Variants in C1orf35 observed in about 807,000 individuals in gnomAD.
The protein encoded by C1orf35 is chromosome 1 open reading frame 35, also known as multiple myeloma tumor-associated protein 2.
In C1orf35, 36 loss-of-function variants were observed where a neutral mutation model predicts 30.9. That is an observed-to-expected ratio of 1.16 (90% CI 0.89 to 1.54). The LOEUF is 1.54. Among genes scored for constraint, C1orf35 ranks in the 40% most tolerant of loss-of-function variants. The pLI, the probability that C1orf35 is intolerant of heterozygous loss-of-function variation, is 0.00. For synonymous variants in C1orf35, 179 were observed against 148.2 expected, an observed-to-expected ratio of 1.21 and a Z score of -1.51; for missense variants, 396 against 358.7, an observed-to-expected ratio of 1.10 and a Z score of -0.84.
At position 228,102,476 on chromosome 1, in the gene C1orf35, A is replaced by G; in HGVS notation, c.374+2T>C. 6.4e-7 allele frequency: 1 copy of G among 1,557,892 alleles called. No individual in the cohort carries two copies. Among genetic ancestry groups the G allele is most frequent in the Non-Finnish European group, 8.7e-7 (1 of 1,155,854 alleles). Reference sequence around the variant, plus strand: ...TGCCCTCCCCTGGAAACCCGCCCGCACCTTGCGCTCCCCAGCCCCAGCAGC... The same window carrying G: ...TGCCCTCCCCTGGAAACCCGCCCGCGCCTTGCGCTCCCCAGCCCCAGCAGC... On this transcript the variant is annotated splice_donor_variant, in intron 4 of 7. Coordinates refer to ENST00000272139, the MANE Select transcript of C1orf35 (RefSeq NM_024319.4). LOFTEE classifies it high-confidence loss of function.
At position 228,101,210 on chromosome 1, in the gene C1orf35, C is replaced by A. The variant is rs2032935670; in HGVS notation, c.713G>T (p.Cys238Phe). Residue 238 changes from cysteine to phenylalanine, a missense_variant, in exon 8 of 8, where the codon TGT (cysteine) becomes TTT (phenylalanine). By Grantham distance (205) the Cys-to-Phe change is radical. Coordinates refer to ENST00000272139, the MANE Select transcript of C1orf35 (RefSeq NM_024319.4). ...ACTGTGTCCCCGCTTCCTCCTCTTACAGCAGGGGGAGTTGGAGTCGGAGTC... is the reference window on the plus strand; with the variant it reads ...ACTGTGTCCCCGCTTCCTCCTCTTAAAGCAGGGGGAGTTGGAGTCGGAGTC... The part of the protein sequence containing the change: ...HHDSDSNSPC[C>F]KRRKRGHSGD... 4.3e-6 allele frequency: 7 copies of A among 1,614,182 alleles called. No individual in the cohort carries two copies. Among genetic ancestry groups the A allele is most frequent in the Non-Finnish European group, 5.9e-6 (7 of 1,180,034 alleles).
At position 228,101,434 on chromosome 1, in the gene C1orf35, T is replaced by C. The variant is rs2032943630; in HGVS notation, c.573A>G (p.Lys191=). ...SHRKSKKEKK[K]KKKRKHKKEK... is the part of the protein sequence containing the mutation. ...CTTTCTTGTGTTTCCTCTTTTTCTT[T>C]TTCTTCTTCTCCTTCTTGCTTTTCC... The change falls in exon 7 of 8, where the codon AAA becomes AAG. Residue 191 remains lysine (K), a synonymous_variant. Coordinates refer to ENST00000272139, the MANE Select transcript of C1orf35 (RefSeq NM_024319.4). 6.2e-7 allele frequency: 1 copy of C among 1,613,566 alleles called. No homozygotes were observed. The highest frequency in any genetic ancestry group is 2.2e-5 in the East Asian group (1 of 44,878).
rs935385689 is a variant in C1orf35, at chr1:228,101,644, C to T, written c.534-171G>A. 3.4e-6 allele frequency: 5 copies of T among 1,465,386 alleles called. No individual in the cohort carries two copies. In the South Asian group the frequency reaches 4.3e-5, roughly 12 times the overall value. The allele number at this position is 1,465,386 out of a possible 1,614,324, so 90.8% of individuals were successfully genotyped here. A position where few individuals can be genotyped will look rare whatever the true frequency, so the allele number is the denominator to read the frequency against. Reference sequence around the variant, plus strand: ...TACGTAGTCACGTGGCCAGTGGCTACGTGGGTTAGAAACAGATGCAATATC... The same window carrying T: ...TACGTAGTCACGTGGCCAGTGGCTATGTGGGTTAGAAACAGATGCAATATC... On this transcript the variant is annotated intron_variant, in intron 6 of 7. Coordinates refer to ENST00000272139, the MANE Select transcript of C1orf35 (RefSeq NM_024319.4).
At position 228,102,167 on chromosome 1, in the gene C1orf35, T is replaced by A; in HGVS notation, c.448-2A>T. On this transcript the variant is annotated splice_acceptor_variant, in intron 5 of 7. Transcript: ENST00000272139. LOFTEE classifies it high-confidence loss of function. Reference sequence around the variant, plus strand: ...CCCGCCGCTCTCTACGCGGTGATGCTGCGGGAGAAGCGAGCTCTGCGGAGG... The same window carrying A: ...CCCGCCGCTCTCTACGCGGTGATGCAGCGGGAGAAGCGAGCTCTGCGGAGG... The A allele has an allele frequency of 6.3e-7, 1 of 1,580,942 alleles. No individual in the cohort carries two copies. Among genetic ancestry groups the A allele is most frequent in the Non-Finnish European group, 8.5e-7 (1 of 1,170,548 alleles).
At chr1:228,102,590 G>A (rs2033001856) in intron 3 of C1orf35, 30 bp from the exon 4 acceptor site, 5 of 1,578,216 alleles carry the variant, frequency 3.2e-6, no homozygotes, top group Admixed American at 1.8e-5. Flanking sequence ...GGGAGCGCTC[G>A]AGTCGGCCCC....
Position 228,100,991 on chromosome 1 carries a change from C to A in C1orf35, c.*140G>T. On this transcript the variant is annotated 3_prime_UTR_variant, in exon 8 of 8. Transcript: ENST00000272139. ...CAGAGCTAGCTGTCAAGTCTTTAGC[C>A]CCACAGGCTGGTGCCCAGAGCCACT... is the stretch of plus-strand genomic sequence containing the variant. 7.8e-7 allele frequency: 1 copy of A among 1,276,266 alleles called. No individual in the cohort carries two copies. Among genetic ancestry groups the A allele is most frequent in the Non-Finnish European group, 1.1e-6 (1 of 925,374 alleles). 79.1% of individuals were successfully genotyped at this position (1,276,266 alleles called of 1,614,324 possible). A position where few individuals can be genotyped will look rare whatever the true frequency, so the allele number is the denominator to read the frequency against.
At chr1:228,101,567 A>AC in intron 6 of C1orf35, 94 bp from the exon 7 acceptor site, 1 of 1,557,404 alleles carries the variant, frequency 6.4e-7, no homozygotes, top group Non-Finnish European at 8.6e-7. Flanking sequence ...GCCACCACCC[A>AC]CAAGTGCGTC....
At chr1:228,102,843 C>A (rs1268253860) in intron 2 of C1orf35, 56 bp downstream of exon 2, 1 of 1,388,018 alleles carries the variant, frequency 7.2e-7, no homozygotes, top group South Asian at 1.6e-5. Context: ...CCCGGCCCCA[C>A]CCTGCCCCGG....
intron 5 of C1orf35, 44 bp from the exon 6 acceptor site, chr1:228,102,209 C>T: frequency 6.4e-7 from 1 of 1,565,482 alleles, no homozygotes; most frequent in South Asian, 1.1e-5. Flanking sequence ...CGGGCCGGCC[C>T]CACACCACGC....
In C1orf35 at chr1:228,103,129, C is replaced by T. The variant is rs1262584008; in HGVS notation, c.94+5G>A. 27 of 1,610,136 alleles carry T rather than the reference C, an allele frequency of 1.7e-5. No homozygotes were observed. The highest frequency in any genetic ancestry group is 2.3e-5 in the Non-Finnish European group (27 of 1,178,986). On this transcript the variant is annotated splice_donor_5th_base_variant and intron_variant, in intron 1 of 7. Transcript: ENST00000272139. ...GCCCGGAGCCCGCCCACCGCGCGCA[C>T]CCACCCAGGTAGTTCTCCCGCTGCT...
In C1orf35 at chr1:228,102,193, A is replaced by G. The variant is rs1245518211; in HGVS notation, c.448-28T>C. 5.1e-6 allele frequency: 8 copies of G among 1,568,380 alleles called. No individual in the cohort carries two copies. In the East Asian group the frequency reaches 6.9e-5, roughly 14 times the overall value. On this transcript the variant is annotated intron_variant, in intron 5 of 7. Transcript: ENST00000272139. ...GCGGGAGAAGCGAGCTCTGCGGAGG[A>G]GTCTGCGGGCCGGCCCCACACCACG...
intron 6 of C1orf35, 84 bp from the exon 7 acceptor site, chr1:228,101,557 G>T (rs544378303): frequency 1.9e-6 from 3 of 1,572,884 alleles, no homozygotes; most frequent in Admixed American, 3.6e-5. Context: ...TCCAGATGAA[G>T]CCACCACCCA....
chr1:228,101,398 C>T lies in C1orf35; in HGVS notation c.609G>A (p.Lys203=). The part of the protein sequence containing the change: ...KKRKHKKEKK[K]KDKEHRRPAE... ...CTGGCCGCCTGTGCTCTTTGTCTTTCTTCTTCTTCTCTTTCTTGTGTTTCC... is the reference window on the plus strand; with the variant it reads ...CTGGCCGCCTGTGCTCTTTGTCTTTTTTCTTCTTCTCTTTCTTGTGTTTCC... The change falls in exon 7 of 8, where the codon AAG becomes AAA. Residue 203 remains lysine, a synonymous_variant. Transcript: ENST00000272139. 5 of 1,611,690 alleles carry T rather than the reference C, an allele frequency of 3.1e-6. No individual in the cohort carries two copies. The highest frequency in any genetic ancestry group is 4.2e-6 in the Non-Finnish European group (5 of 1,179,854).
rs368709965 is a variant in C1orf35 at position 228,102,169 on chromosome 1, C to A, written c.448-4G>T. On this transcript the variant is annotated splice_polypyrimidine_tract_variant and splice_region_variant and intron_variant, in intron 5 of 7. Coordinates refer to ENST00000272139, the MANE Select transcript of C1orf35 (RefSeq NM_024319.4). ...CGCCGCTCTCTACGCGGTGATGCTG[C>A]GGGAGAAGCGAGCTCTGCGGAGGAG... The A allele has an allele frequency of 6.3e-7, 1 of 1,578,588 alleles. No individual in the cohort carries two copies.
rs376871646 is a variant in C1orf35, at chr1:228,102,413, G to A, written c.375-31C>T. The stretch of plus-strand genomic sequence containing the variant: ...GGGACATGGCGATGAAGACAGTACG[G>A]CAGGGGTCCGCCTCACCCGAGCAAT... On this transcript the variant is annotated intron_variant, in intron 4 of 7. Coordinates refer to ENST00000272139, the MANE Select transcript of C1orf35 (RefSeq NM_024319.4). 34 of 1,597,308 alleles carry A rather than the reference G, an allele frequency of 2.1e-5. No individual in the cohort carries two copies. In the African/African-American group the frequency reaches 3.9e-4, roughly 18 times the overall value.
Position 228,102,482 on chromosome 1 carries a change from C to A in C1orf35, c.370G>T (p.Ala124Ser), listed in dbSNP as rs867326277. The change falls in exon 4 of 8, where the codon GCA becomes TCA. Residue 124 changes from alanine (A) to serine (S), a missense_variant. Transcript: ENST00000272139. ...GVDRLLGLGSASGSVGRVAMS... is the reference protein window; with the variant it reads ...GVDRLLGLGSSSGSVGRVAMS... Reference sequence around the variant, plus strand: ...CCCCTGGAAACCCGCCCGCACCTTGCGCTCCCCAGCCCCAGCAGCCGGTCC... The same window carrying A: ...CCCCTGGAAACCCGCCCGCACCTTGAGCTCCCCAGCCCCAGCAGCCGGTCC... The A allele has an allele frequency of 6.4e-7, 1 of 1,558,204 alleles. No homozygotes were observed. The highest frequency in any genetic ancestry group is 1.4e-5 in the African/African-American group (1 of 73,550).
chr1:228,101,453 CT>C lies in C1orf35; in HGVS notation c.553del (p.Ser185AlafsTer92). The C allele has an allele frequency of 6.2e-7, 1 of 1,613,080 alleles. No individual in the cohort carries two copies. On this transcript the variant is annotated frameshift_variant, in exon 7 of 8. Transcript: ENST00000272139. LOFTEE classifies it high-confidence loss of function. Reference protein sequence around the residue: ...TESSCESHRKSKKEKKKKKKR... With the variant: ...TESSCESHRKXKKEKKKKKKR... ...TTTCTTTTTCTTCTTCTCCTTCTTG[CT>C]TTTCCTGTGGCTCTCACAACTACAA... is the stretch of plus-strand genomic sequence containing the variant.
rs1331655874 is a variant in C1orf35, at chr1:228,100,813, C to T, written c.*318G>A. 5 of 370,252 alleles carry T rather than the reference C, an allele frequency of 1.4e-5. No homozygotes were observed. Among genetic ancestry groups the T allele is most frequent in the South Asian group, 4.7e-5 (1 of 21,280 alleles). 22.9% of individuals were successfully genotyped at this position (370,252 alleles called of 1,614,324 possible). A position where few individuals can be genotyped will look rare whatever the true frequency, so the allele number is the denominator to read the frequency against. ...TCACCATACTTGGCCACAGTTAGAC[C>T]GCTCATAGGCCCATGGCTGCTGCAA... is the stretch of plus-strand genomic sequence containing the variant. On this transcript the variant is annotated 3_prime_UTR_variant, in exon 8 of 8. Coordinates refer to ENST00000272139, the MANE Select transcript of C1orf35 (RefSeq NM_024319.4).
intron 6 of C1orf35, chr1:228,101,852 G>A (rs757353283): frequency 4.9e-6 from 7 of 1,416,582 alleles, no homozygotes; most frequent in Admixed American, 3.0e-5. Flanking sequence ...CCCTCCCACG[G>A]CACAGCGCCC....
Sources: gnomAD v4.1 joint callset for allele counts on GRCh38, gnomAD v4.1.1 for gene constraint, MANE v1.5 for transcripts, NCBI Gene and HGNC (gene_info 2026-07-23, HGNC 2026-07-21) for gene names.